Variants in GRAMD1C observed in about 807,000 individuals in gnomAD.
The protein encoded by GRAMD1C is protein Aster-C.
In GRAMD1C, 89 loss-of-function variants were observed where a neutral mutation model predicts 97.8. The observed-to-expected ratio is 0.91, with a 90% CI of 0.77 to 1.09. The LOEUF (loss-of-function observed/expected upper bound fraction) is 1.09. Ranked by LOEUF, GRAMD1C falls within the 50% of genes least tolerant of loss-of-function variation. The probability of loss-of-function intolerance (pLI) is 0.00; values close to 1 mark genes in which losing one functional copy is unlikely to be tolerated. For synonymous variants in GRAMD1C, 256 were observed against 267.0 expected, an observed-to-expected ratio of 0.96 and a Z score of 0.40; for missense variants, 740 against 766.4, an observed-to-expected ratio of 0.97 and a Z score of 0.41.
In GRAMD1C at chr3:113,880,091, CTT is replaced by C. The variant is rs1003413279; in HGVS notation, c.460-2658_460-2657del. Among the ~76,000 whole-genome samples the C allele has an allele frequency of 2.6e-5, 4 of 152,260 alleles. No individual in the cohort carries two copies. The South Asian group carries it at 6.2e-4, about 24-fold the overall frequency. ...TCCTAGTGTGGATGCCTACTTTTCT[CTT>C]TTCCACCAATAGCTTTAGGGCTGAA... On this transcript the variant is annotated intron_variant, in intron 5 of 17. Coordinates refer to ENST00000358160, the MANE Select transcript of GRAMD1C (RefSeq NM_017577.5).
chr3:113,904,228 C>T lies in GRAMD1C; in HGVS notation c.745C>T (p.Arg249Trp), dbSNP rs1192344111. ...CAGTTTTACCAGTGAATCAATTAGT[C>T]GGGTTTCAGAAACAGAGTCATTCGA... ...SISFTSESIS[R>W]VSETESFDGN... The change falls in exon 8 of 18, where the codon CGG (arginine) becomes TGG (tryptophan). Residue 249 changes from arginine to tryptophan, a missense_variant. Transcript: ENST00000358160. The T allele has an allele frequency of 6.2e-6, 10 of 1,607,584 alleles. No individual in the cohort carries two copies. The highest frequency in any genetic ancestry group is 5.4e-5 in the African/African-American group (4 of 74,696).
intron 6 of GRAMD1C, chr3:113,885,353 A>T: frequency 6.3e-7 from 1 of 1,594,184 alleles, no homozygotes; most frequent in Non-Finnish European, 8.6e-7. Context: ...TTCGCTGCCA[A>T]GCTCTGGAGC....
intron 1 of GRAMD1C, among the ~76,000 whole-genome samples, chr3:113,840,261 G>T (rs928080515): frequency 5.9e-5 from 9 of 151,970 alleles, no homozygotes; most frequent in Non-Finnish European, 1.3e-4. Context: ...CCACCACCGC[G>T]CCCGGCCCTG....
intron 2 of GRAMD1C, among the ~76,000 whole-genome samples, chr3:113,859,238 C>A (rs1473140235): frequency 6.6e-6 from 1 of 152,066 alleles, no homozygotes; most frequent in Non-Finnish European, 1.5e-5. Context: ...TCATCTTTAG[C>A]TGTGTCCCAC....
chr3:113,869,692 C>G, intron 3 of GRAMD1C, 101 bp downstream of exon 3: 1 of 618,156 alleles, frequency 1.6e-6, no homozygotes, highest in Non-Finnish European at 2.9e-6. Flanking sequence ...TTATGCTAGA[C>G]AGAATATAAT....
intron 7 of GRAMD1C, among the ~76,000 whole-genome samples, chr3:113,902,838 G>A (rs1454556239): frequency 6.6e-6 from 1 of 151,808 alleles, no homozygotes; most frequent in Non-Finnish European, 1.5e-5. Flanking sequence ...TAGAGATTTT[G>A]CCATGTTGAT....
chr3:113,859,408 G>T (rs35337873), intron 2 of GRAMD1C, among the ~76,000 whole-genome samples: 51,060 of 151,904 alleles, frequency 0.34, 9,047 homozygotes, highest in Admixed American at 0.41. Flanking sequence ...ATTTTTCTAT[G>T]ATTGATTTCT....
At chr3:113,841,398 G>T (rs939820883) in intron 1 of GRAMD1C, among the ~76,000 whole-genome samples, 1 of 143,596 alleles carries the variant, frequency 7.0e-6, no homozygotes, top group African/African-American at 2.6e-5. Flanking sequence ...CAATTCTCCT[G>T]CCTCAGCCTC....
intron 14 of GRAMD1C, 31 bp downstream of exon 14, chr3:113,936,473 G>T: frequency 1.4e-6 from 2 of 1,447,934 alleles, no homozygotes; most frequent in African/African-American, 1.4e-5. Flanking sequence ...AGAGATGAAA[G>T]ATTTTTACTT....
chr3:113,882,855 G>T (rs1210703834), intron 6 of GRAMD1C, 23 bp downstream of exon 6: 1 of 1,202,986 alleles, frequency 8.3e-7, no homozygotes, highest in South Asian at 1.3e-5. Flanking sequence ...ACCAGAGGCA[G>T]TTGCTTATTA....
At chr3:113,936,602 T>C (rs1937583176) in intron 14 of GRAMD1C, 160 bp downstream of exon 14, 2 of 536,468 alleles carry the variant, frequency 3.7e-6, no homozygotes, top group Admixed American at 3.6e-5. Context: ...ATAACTAATA[T>C]ATAAGTATAA....
intron 1 of GRAMD1C, among the ~76,000 whole-genome samples, chr3:113,832,096 G>C (rs990311784): frequency 6.6e-6 from 1 of 151,796 alleles, no homozygotes. Flanking sequence ...GTGTGCAGTG[G>C]TGTGATCTCG....
intron 1 of GRAMD1C, among the ~76,000 whole-genome samples, chr3:113,844,038 A>T (rs967515228): frequency 6.6e-6 from 1 of 152,196 alleles, no homozygotes; most frequent in Non-Finnish European, 1.5e-5. Flanking sequence ...GCACTTCTGG[A>T]GATGGAGGAC....
At chr3:113,836,680 C>G (rs112332147), upstream of GRAMD1C, among the ~76,000 whole-genome samples, 2,669 of 151,940 alleles carry the variant, frequency 0.018, 76 homozygotes, top group African/African-American at 0.059. Context: ...TTTCACTCTT[C>G]TTGCCCAGGC....
intron 10 of GRAMD1C, among the ~76,000 whole-genome samples, chr3:113,930,294 T>C (rs766571313): frequency 2.0e-5 from 3 of 152,200 alleles, no homozygotes; most frequent in Non-Finnish European, 4.4e-5. Flanking sequence ...ATCAAGGTCA[T>C]ATGGTTTCTT....
intron 2 of GRAMD1C, among the ~76,000 whole-genome samples, chr3:113,845,228 C>T (rs924751651): frequency 6.6e-6 from 1 of 152,130 alleles, no homozygotes; most frequent in African/African-American, 2.4e-5. Context: ...GGAAGAAAAA[C>T]ACTTCTGTAT....
At chr3:113,850,791 TTTTTA>T (rs1194243875) in intron 2 of GRAMD1C, 1 of 759,968 alleles carries the variant, frequency 1.3e-6, no homozygotes, top group Non-Finnish European at 1.9e-6. Context: ...TTTTTTTTTA[TTTTTA>T]TTTTTTTAAT....
chr3:113,867,735 T>C (rs1292312080), intron 2 of GRAMD1C, among the ~76,000 whole-genome samples: 2 of 152,234 alleles, frequency 1.3e-5, no homozygotes, highest in African/African-American at 2.4e-5. Context: ...ATTTCTTCTT[T>C]GTTGTTCAGC....
At chr3:113,883,743 C>T (rs1024570573) in intron 6 of GRAMD1C, among the ~76,000 whole-genome samples, 1 of 152,080 alleles carries the variant, frequency 6.6e-6, no homozygotes, top group Admixed American at 6.6e-5. Context: ...AATAAAGGCT[C>T]AATTCATCTG....
Sources: gnomAD v4.1 joint callset for allele counts (sites outside exome capture counted in the v4.1 genomes callset) on GRCh38, gnomAD v4.1.1 for gene constraint, MANE v1.5 for transcripts, NCBI Gene and HGNC (gene_info 2026-07-23, HGNC 2026-07-21) for gene names.